Variants in TBC1D22A observed in about 807,000 individuals in gnomAD.
The protein encoded by TBC1D22A is putative GTPase activator.
A neutral mutation model predicts 60.2 loss-of-function variants in TBC1D22A; 38 were observed. The observed-to-expected ratio is 0.63, with a 90% CI of 0.49 to 0.83. The LOEUF is 0.83. Among genes scored for constraint, TBC1D22A ranks in the 40% least tolerant of loss-of-function variants. TBC1D22A has a pLI of 0.00. For synonymous variants in TBC1D22A, 302 were observed against 281.7 expected (o/e 1.07, Z -0.72); for missense variants, 628 against 701.0 (o/e 0.90, Z 1.18).
chr22:46,937,897 A>G (rs2071753172), intron 8 of TBC1D22A, among the ~76,000 whole-genome samples: 1 of 152,192 alleles, frequency 6.6e-6, no homozygotes, highest in African/African-American at 2.4e-5. Flanking sequence ...TAAGAAAATG[A>G]AGAAAAAATA....
chr22:47,087,148 C>T (rs1279107875), intron 11 of TBC1D22A, among the ~76,000 whole-genome samples: 19 of 152,192 alleles, frequency 1.2e-4, no homozygotes. Flanking sequence ...AGAGTATGAG[C>T]GTACACGCAT....
chr22:46,912,242 A>G, intron 8 of TBC1D22A, 54 bp downstream of exon 8: 1 of 1,273,988 alleles, frequency 7.8e-7, no homozygotes, highest in South Asian at 1.2e-5. Flanking sequence ...GCTGTGTGTT[A>G]CTATGTATAA....
intron 12 of TBC1D22A, among the ~76,000 whole-genome samples, chr22:47,167,965 A>G (rs913458253): frequency 6.6e-6 from 1 of 151,636 alleles, no homozygotes; most frequent in Admixed American, 6.5e-5. Context: ...TCCTGTTGCT[A>G]TCACTATTAT....
Position 47,111,491 on chromosome 22 carries a change from T to C in TBC1D22A, c.1330-17T>C, listed in dbSNP as rs888308591. 4 of 1,609,248 alleles carry C rather than the reference T, an allele frequency of 2.5e-6. No homozygotes were observed. Among genetic ancestry groups the C allele is most frequent in the Non-Finnish European group, 3.4e-6 (4 of 1,178,284 alleles). On this transcript the variant is annotated splice_polypyrimidine_tract_variant and intron_variant, in intron 11 of 12. Coordinates refer to ENST00000337137, the MANE Select transcript of TBC1D22A (RefSeq NM_014346.5). Reference sequence around the variant, plus strand: ...CACGCGTTACAATTTCTCTCTTGGTTATTTTTTCTCTTTTAGTCTGAACCG... The same window carrying C: ...CACGCGTTACAATTTCTCTCTTGGTCATTTTTTCTCTTTTAGTCTGAACCG...
intron 4 of TBC1D22A, among the ~76,000 whole-genome samples, chr22:46,798,107 G>C (rs1278857086): frequency 2.0e-5 from 3 of 152,156 alleles, no homozygotes; most frequent in East Asian, 1.9e-4. Context: ...GAACTCCTAG[G>C]CTTAAGAGAT....
At chr22:47,059,878 G>A (rs1300018226) in intron 11 of TBC1D22A, among the ~76,000 whole-genome samples, 5 of 152,196 alleles carry the variant, frequency 3.3e-5, no homozygotes, top group Non-Finnish European at 7.3e-5. Context: ...TTTCAGTTAT[G>A]CAAACGAGTG....
At chr22:46,973,654 G>A (rs1316500186) in intron 8 of TBC1D22A, among the ~76,000 whole-genome samples, 1 of 152,212 alleles carries the variant, frequency 6.6e-6, no homozygotes, top group Admixed American at 6.5e-5. Context: ...TCTAAAATTA[G>A]TTTGTTCAAA....
chr22:46,792,341 C>T (rs1172956789), intron 1 of TBC1D22A, among the ~76,000 whole-genome samples, 179 bp from the exon 2 acceptor site: 1 of 152,116 alleles, frequency 6.6e-6, no homozygotes, highest in Non-Finnish European at 1.5e-5. Context: ...TGCCACTCAT[C>T]CCTTCTGAAC....
intron 11 of TBC1D22A, among the ~76,000 whole-genome samples, chr22:47,048,017 A>T (rs1337848476): frequency 6.6e-6 from 1 of 152,174 alleles, no homozygotes; most frequent in Non-Finnish European, 1.5e-5. Context: ...GGTGTTCCTT[A>T]AATGAAAGGA....
At chr22:46,981,612 C>G (rs1015568375) in intron 9 of TBC1D22A, among the ~76,000 whole-genome samples, 9 of 152,212 alleles carry the variant, frequency 5.9e-5, no homozygotes, top group Admixed American at 3.9e-4. Flanking sequence ...GCTCTTCCCC[C>G]ACTTTGCTCA....
chr22:46,771,742 A>G (rs944177711), intron 1 of TBC1D22A, among the ~76,000 whole-genome samples: 2 of 151,930 alleles, frequency 1.3e-5, no homozygotes, highest in Non-Finnish European at 2.9e-5. Context: ...TTATAGGCAC[A>G]TGCCACCATG....
At chr22:46,818,219 G>C (rs560563640) in intron 4 of TBC1D22A, among the ~76,000 whole-genome samples, 1 of 152,256 alleles carries the variant, frequency 6.6e-6, no homozygotes, top group East Asian at 1.9e-4. Flanking sequence ...TTTGATGATA[G>C]TTTCTTTTGC....
intron 8 of TBC1D22A, among the ~76,000 whole-genome samples, chr22:46,963,663 G>T (rs768021893): frequency 5.9e-5 from 9 of 152,206 alleles, no homozygotes; most frequent in African/African-American, 1.2e-4. Context: ...GCATAAGGTG[G>T]GATCCTTCTC....
At chr22:47,156,148 C>T (rs2067710415) in intron 12 of TBC1D22A, among the ~76,000 whole-genome samples, 1 of 152,182 alleles carries the variant, frequency 6.6e-6, no homozygotes, top group Admixed American at 6.5e-5. Flanking sequence ...TGTTGACCGC[C>T]CACAGAAAAC....
In TBC1D22A at chr22:46,797,398, C is replaced by T. The variant is rs16995718; in HGVS notation, c.461-46C>T. 2,556 of 1,600,950 alleles carry T rather than the reference C, an allele frequency of 1.6e-3. 32 individuals are homozygous for T. In the African/African-American group the frequency reaches 0.029, roughly 18 times the overall value. ...GGCACAGCAAGGAGGAACGTGTAGT[C>T]GGGAGGAGCGCCCTCACCCTCACCC... is the stretch of plus-strand genomic sequence containing the variant. On this transcript the variant is annotated intron_variant, in intron 3 of 12. Coordinates refer to ENST00000337137, the MANE Select transcript of TBC1D22A (RefSeq NM_014346.5).
chr22:46,894,729 C>CGTAATGATG (rs2068581860), intron 6 of TBC1D22A, 55 bp from the exon 7 acceptor site: 1 of 1,599,028 alleles, frequency 6.3e-7, no homozygotes, highest in Admixed American at 1.7e-5. Flanking sequence ...TCATATCGCT[C>CGTAATGATG]GTAATGATGT....
intron 10 of TBC1D22A, among the ~76,000 whole-genome samples, chr22:47,021,290 C>T (rs1397013816): frequency 6.7e-6 from 1 of 148,214 alleles, no homozygotes. Context: ...TAGCCTGGAG[C>T]CCTGAGCAGG....
Position 47,033,787 on chromosome 22 carries a change from G to C in TBC1D22A, c.1202-3284G>C, listed in dbSNP as rs181376001. ...GCGGGGAAGCCTGCGTGGTAGCATG[G>C]GTGTTGTTGGTCACCTGGTGCCACC... On this transcript the variant is annotated intron_variant, in intron 10 of 12. Transcript: ENST00000337137. Among the ~76,000 whole-genome samples, 302 of 152,292 alleles carry C rather than the reference G, an allele frequency of 2.0e-3. 1 individual carries two copies. The highest frequency in any genetic ancestry group is 5.1e-3 in the Admixed American group (78 of 15,302).
At chr22:46,970,289 A>G (rs1178165793) in intron 8 of TBC1D22A, among the ~76,000 whole-genome samples, 1 of 150,856 alleles carries the variant, frequency 6.6e-6, no homozygotes, top group Non-Finnish European at 1.5e-5. Flanking sequence ...GTTGATTGGC[A>G]TCTGGTTCTG....
Sources: allele counts gnomAD v4.1 joint callset (sites outside exome capture counted in the v4.1 genomes callset), GRCh38; gene constraint gnomAD v4.1.1; transcripts MANE v1.5; gene names NCBI Gene and HGNC (gene_info 2026-07-23, HGNC 2026-07-21).